Variants in COPE observed in about 807,000 individuals in gnomAD.
COPE encodes the protein coatomer subunit epsilon.
In COPE, 19 loss-of-function variants were observed where a neutral mutation model predicts 42.1. The observed-to-expected ratio is 0.45, with a 90% CI of 0.31 to 0.66. COPE has a LOEUF of 0.66. Ranked by LOEUF, COPE falls within the 30% of genes least tolerant of loss-of-function variation. COPE has a pLI of 0.05. For synonymous variants in COPE, 195 were observed against 181.3 expected (o/e 1.08, Z -0.60); for missense variants, 402 against 416.1 (o/e 0.97, Z 0.30).
chr19:18,900,449 C>T lies in COPE; in HGVS notation c.736G>A (p.Asp246Asn), dbSNP rs1161004903. The T allele has an allele frequency of 1.3e-6, 2 of 1,547,704 alleles. No individual in the cohort carries two copies. Among genetic ancestry groups the T allele is most frequent in the South Asian group, 2.4e-5 (2 of 83,860 alleles). The change falls in exon 8 of 10, where the codon GAT becomes AAT. Residue 246 changes from aspartate (D) to asparagine (N), a missense_variant and splice_region_variant. Transcript: ENST00000262812. Reference protein sequence around the residue: ...EGLLQEALDKDSGYPETLVNL... With the variant: ...EGLLQEALDKNSGYPETLVNL... ...ACCAGCGTCTCTGGGTAGCCACTAT[C>T]CTGGAGACACAGGCAGACACGGGGA...
rs376801368 is a variant in COPE, at chr19:18,899,637, C to T, written c.*42G>A. 5.7e-5 allele frequency: 92 copies of T among 1,611,984 alleles called. No individual in the cohort carries two copies. The highest frequency in any genetic ancestry group is 7.5e-5 in the Non-Finnish European group (88 of 1,178,980). On this transcript the variant is annotated 3_prime_UTR_variant, in exon 10 of 10. Coordinates refer to ENST00000262812, the MANE Select transcript of COPE (RefSeq NM_007263.4). ...GGAGGGCTGCAGGGCTGGCTCCTGGCCTCTGTCCTGGCTTCATGGTCCTGA... is the reference window on the plus strand; with the variant it reads ...GGAGGGCTGCAGGGCTGGCTCCTGGTCTCTGTCCTGGCTTCATGGTCCTGA...
At chr19:18,900,744 G>T (rs1029295538) in intron 7 of COPE, among the ~76,000 whole-genome samples, 8 of 152,174 alleles carry the variant, frequency 5.3e-5, no homozygotes, top group Non-Finnish European at 1.5e-5. Context: ...ATGGGGCCCA[G>T]ACCCAGATGG....
At chr19:18,900,523 CA>C (rs2056689071) in intron 7 of COPE, 74 bp from the exon 8 acceptor site, 1 of 1,179,168 alleles carries the variant, frequency 8.5e-7, no homozygotes, top group African/African-American at 1.5e-5. Flanking sequence ...ACCCCCACCT[CA>C]GGCAGCACCA....
Position 18,899,705 on chromosome 19 carries a change from C to T in COPE, c.901G>A (p.Val301Met), listed in dbSNP as rs776393167. 7 of 1,613,612 alleles carry T rather than the reference C, an allele frequency of 4.3e-6. No individual in the cohort carries two copies. In the African/African-American group the frequency reaches 9.3e-5, roughly 22 times the overall value. Residue 301 changes from valine to methionine, a missense_variant, in exon 10 of 10, where the codon GTG becomes ATG. Transcript: ENST00000262812. Reference protein sequence around the residue: ...QAKENDFDRLVLQYAPSA With the variant: ...QAKENDFDRLMLQYAPSA ...CAGGCGCTGGGAGCGTACTGTAGCA[C>T]CAGCCTGTCAAAGTCGTTCTCCTTT...
At chr19:18,914,249 C>T (rs1555711136) in intron 1 of COPE, among the ~76,000 whole-genome samples, 2 of 152,136 alleles carry the variant, frequency 1.3e-5, no homozygotes, top group Non-Finnish European at 1.5e-5. Flanking sequence ...TGCAAAGAAA[C>T]ATATTATAGG....
At chr19:18,902,590 A>C (rs1190857714) in intron 7 of COPE, among the ~76,000 whole-genome samples, 1 of 145,748 alleles carries the variant, frequency 6.9e-6, no homozygotes, top group Non-Finnish European at 1.5e-5. Context: ...ACTTGAACCC[A>C]GGAGGCGGAG....
chr19:18,911,343 A>C, intron 2 of COPE: 1 of 465,004 alleles, frequency 2.2e-6, no homozygotes, highest in Non-Finnish European at 4.0e-6. Context: ...GCAGCTGTCC[A>C]CCTCTGGTGG....
intron 6 of COPE, 92 bp downstream of exon 6, chr19:18,904,679 T>C: frequency 5.4e-6 from 6 of 1,107,150 alleles, no homozygotes; most frequent in Middle Eastern, 2.3e-4. Flanking sequence ...CCCACTGGAG[T>C]GGCCAGCAGC....
intron 6 of COPE, 91 bp from the exon 7 acceptor site, chr19:18,903,514 C>T: frequency 7.0e-7 from 1 of 1,429,344 alleles, no homozygotes; most frequent in Non-Finnish European, 9.4e-7. Flanking sequence ...GACTCCAGCA[C>T]TGCACAGAGA....
intron 7 of COPE, among the ~76,000 whole-genome samples, chr19:18,901,996 C>G (rs1001317211): frequency 6.6e-6 from 1 of 151,948 alleles, no homozygotes; most frequent in Admixed American, 6.6e-5. Flanking sequence ...CTGGCTAACA[C>G]AGCAAAACCC....
chr19:18,899,942 T>C lies in COPE; in HGVS notation c.810A>G (p.Thr270=), dbSNP rs2056680614. Residue 270 remains threonine (T), a synonymous_variant, in exon 9 of 10, where the codon ACA becomes ACG. Transcript: ENST00000262812. ...SQHLGKPPEV[T]NRYLSQLKDA... is the part of the protein sequence containing the mutation. ...CCTTCAGCTGGGACAGGTATCGGTT[T>C]GTCACCTGCAGGGGAGGCAGGGAGG... is the stretch of plus-strand genomic sequence containing the variant. 1 of 1,612,830 alleles carries C rather than the reference T, an allele frequency of 6.2e-7. No individual in the cohort carries two copies. Among genetic ancestry groups the C allele is most frequent in the Non-Finnish European group, 8.5e-7 (1 of 1,179,584 alleles).
intron 1 of COPE, among the ~76,000 whole-genome samples, chr19:18,913,787 G>A (rs1190955398): frequency 1.3e-5 from 2 of 152,170 alleles, no homozygotes; most frequent in Non-Finnish European, 2.9e-5. Flanking sequence ...CCTTGGCATC[G>A]CCACTCCAAC....
At chr19:18,913,801 C>T (rs1427403379) in intron 1 of COPE, among the ~76,000 whole-genome samples, 1 of 152,202 alleles carries the variant, frequency 6.6e-6, no homozygotes, top group Non-Finnish European at 1.5e-5. Flanking sequence ...CTCCAACAAC[C>T]TCTAAACAGA....
At chr19:18,912,260 C>T (rs1490686367) in intron 2 of COPE, among the ~76,000 whole-genome samples, 1 of 152,184 alleles carries the variant, frequency 6.6e-6, no homozygotes, top group African/African-American at 2.4e-5. Context: ...GATCCTCCTG[C>T]CACAGCCTCC....
intron 7 of COPE, among the ~76,000 whole-genome samples, chr19:18,900,965 G>C (rs4808873): frequency 0.69 from 105,670 of 152,180 alleles, 38,109 homozygotes; most frequent in African/African-American, 0.86. Flanking sequence ...ACACACCAAC[G>C]AGGATGCGCC....
At chr19:18,901,791 G>A (rs1336521050) in intron 7 of COPE, among the ~76,000 whole-genome samples, 2 of 152,144 alleles carry the variant, frequency 1.3e-5, no homozygotes, top group Admixed American at 6.6e-5. Context: ...AATTAGCCAC[G>A]CATGGTGGCA....
chr19:18,915,865 A>G (rs1284395072), intron 1 of COPE, among the ~76,000 whole-genome samples: 1 of 152,220 alleles, frequency 6.6e-6, no homozygotes, highest in Non-Finnish European at 1.5e-5. Flanking sequence ...GCAAACTGGC[A>G]AATGTCAGAA....
chr19:18,906,152 G>C, intron 4 of COPE: 3 of 396,990 alleles, frequency 7.6e-6, no homozygotes, highest in Non-Finnish European at 1.3e-5. Context: ...GACCAGCACC[G>C]AGTCGGCCGG....
chr19:18,919,124 G>C, intron 1 of COPE, 99 bp downstream of exon 1: 1 of 1,370,740 alleles, frequency 7.3e-7, no homozygotes, highest in Admixed American at 2.1e-5. Flanking sequence ...AACGCGAGAA[G>C]AAAAGAGAAA....
Sources: allele counts gnomAD v4.1 joint callset (sites outside exome capture counted in the v4.1 genomes callset), GRCh38; gene constraint gnomAD v4.1.1; transcripts MANE v1.5; gene names NCBI Gene and HGNC (gene_info 2026-07-23, HGNC 2026-07-21).